Variants in TENM4 observed in about 807,000 individuals in gnomAD.
The protein encoded by TENM4 is teneurin-4.
TENM4 carries 82 observed loss-of-function variants against 243.3 expected under a neutral mutation model. The observed-to-expected ratio is 0.34, with a 90% CI of 0.28 to 0.40. The LOEUF is 0.40. TENM4 is among the 10% of genes least tolerant of loss of function. TENM4 has a pLI of 1.00. For synonymous variants in TENM4, 1,412 were observed against 1,456.3 expected (o/e 0.97, Z 0.69); for missense variants, 3,138 against 3,673.3 (o/e 0.85, Z 3.77).
At chr11:79,389,032 G>T (rs1858174975) in intron 1 of TENM4, among the ~76,000 whole-genome samples, 1 of 152,238 alleles carries the variant, frequency 6.6e-6, no homozygotes, top group Non-Finnish European at 1.5e-5. Context: ...ATCAGGGAAG[G>T]TTCTTGGCCT....
At chr11:79,193,718 G>A (rs78620571) in intron 3 of TENM4, among the ~76,000 whole-genome samples, 2,488 of 152,272 alleles carry the variant, frequency 0.016, 73 homozygotes, top group African/African-American at 0.052. Flanking sequence ...CACAGTAGGT[G>A]GGCAGATGGG....
intron 6 of TENM4, among the ~76,000 whole-genome samples, chr11:78,911,584 A>G (rs1276123830): frequency 1.3e-5 from 2 of 152,208 alleles, no homozygotes; most frequent in Non-Finnish European, 2.9e-5. Context: ...TCATATATTG[A>G]TGGCATTTGG....
chr11:79,391,770 C>G (rs750327808), intron 1 of TENM4, among the ~76,000 whole-genome samples: 87 of 152,144 alleles, frequency 5.7e-4, no homozygotes, highest in Non-Finnish European at 1.2e-3. Flanking sequence ...TATATGCACC[C>G]TATTTCCTTT....
rs533421205 is a variant in TENM4 at position 78,756,907 on chromosome 11, G to A, written c.2654C>T (p.Pro885Leu). ...GGAGTGTAGGTTCTGCTGTGACACA[G>A]GGACCTGTGTCTCCTGGATGATGTC... ...PLDIIQETQV[P>L]VSQQNLHSFY... Residue 885 changes from proline (P) to leucine (L), a missense_variant, in exon 19 of 34, where the codon CCT (proline) becomes CTT (leucine). Pro to Leu is a moderately conservative substitution (Grantham distance 98, BLOSUM62 -3). Around this residue, in one of 2 missense-constraint regions of TENM4, gnomAD observed 2,467 missense variants for 3,059.1 expected, o/e 0.81. Coordinates refer to ENST00000278550, the MANE Select transcript of TENM4 (RefSeq NM_001098816.3). The A allele has an allele frequency of 6.2e-6, 10 of 1,613,934 alleles. No individual in the cohort carries two copies. In the African/African-American group the frequency reaches 1.3e-4, roughly 22 times the overall value.
chr11:79,065,849 G>T (rs1860232374), intron 5 of TENM4, among the ~76,000 whole-genome samples: 1 of 152,170 alleles, frequency 6.6e-6, no homozygotes, highest in South Asian at 2.1e-4. Context: ...CTGACTTCAT[G>T]GAAAACTAGC....
intron 6 of TENM4, among the ~76,000 whole-genome samples, chr11:79,032,596 T>C (rs893828958): frequency 2.0e-5 from 3 of 152,188 alleles, no homozygotes; most frequent in African/African-American, 7.2e-5. Context: ...TCAGGCGCCG[T>C]TCCCCTTAGA....
At position 78,844,461 on chromosome 11, in the gene TENM4, G is replaced by A. The variant is rs182237495; in HGVS notation, c.1681+9643C>T. Among the ~76,000 whole-genome samples the A allele has an allele frequency of 6.2e-3, 951 of 152,262 alleles. 8 individuals are homozygous for A. The highest frequency in any genetic ancestry group is 0.022 in the African/African-American group (900 of 41,546). On this transcript the variant is annotated intron_variant, in intron 12 of 33. Coordinates refer to ENST00000278550, the MANE Select transcript of TENM4 (RefSeq NM_001098816.3). ...GATCGAGACCATCCTGGCCAACATGGTGAAACCCCGTCTCTACTAAAAATA... is the reference window on the plus strand; with the variant it reads ...GATCGAGACCATCCTGGCCAACATGATGAAACCCCGTCTCTACTAAAAATA...
chr11:78,717,729 A>G (rs994883242), intron 25 of TENM4, among the ~76,000 whole-genome samples: 3 of 152,240 alleles, frequency 2.0e-5, no homozygotes, highest in Non-Finnish European at 4.4e-5. Context: ...AACACTAAGT[A>G]TGTCAGACTT....
chr11:78,884,484 G>A (rs1855507537), intron 9 of TENM4, among the ~76,000 whole-genome samples: 1 of 152,134 alleles, frequency 6.6e-6, no homozygotes, highest in Admixed American at 6.5e-5. Context: ...AGCATAGTTG[G>A]CTGAAAGCAT....
chr11:79,100,990 C>A (rs1239139076), intron 4 of TENM4, among the ~76,000 whole-genome samples: 1 of 152,030 alleles, frequency 6.6e-6, no homozygotes, highest in Non-Finnish European at 1.5e-5. Flanking sequence ...GTGGGCTGGA[C>A]TGGGGAGAGT....
chr11:78,928,333 C>T lies in TENM4; in HGVS notation c.494-24810G>A, dbSNP rs73500684. ...ATACGTTAAGAAGCAAAAAATACAC[C>T]GCCACCCCATGGTCTTAACACTACA... On this transcript the variant is annotated intron_variant, in intron 6 of 33. Coordinates refer to ENST00000278550, the MANE Select transcript of TENM4 (RefSeq NM_001098816.3). 5.5e-3 allele frequency among the ~76,000 whole-genome samples: 833 copies of T among 152,192 alleles called. 7 individuals are homozygous for T. The highest frequency in any genetic ancestry group is 0.019 in the African/African-American group (791 of 41,486).
At chr11:79,211,063 C>T (rs182927425) in intron 3 of TENM4, among the ~76,000 whole-genome samples, 1 of 152,296 alleles carries the variant, frequency 6.6e-6, no homozygotes, top group African/African-American at 2.4e-5. Flanking sequence ...CTTAAATGCT[C>T]ACCCACCAGG....
chr11:79,164,441 CTATATAGTA>C lies in TENM4; in HGVS notation c.-162-15644_-162-15636del, dbSNP rs1157174371. ...TATGTAGTATATAGATATATATGTA[CTATATAGTA>C]TATATAGTATATATATAGTGTATAT... On this transcript the variant is annotated intron_variant, in intron 3 of 33. Transcript: ENST00000278550. Among the ~76,000 whole-genome samples, 31 of 127,084 alleles carry C rather than the reference CTATATAGTA, an allele frequency of 2.4e-4. No homozygotes were observed. The South Asian group carries it at 4.6e-3, about 19-fold the overall frequency. 83.4% of individuals were successfully genotyped at this position (127,084 alleles called of 152,430 possible).
intron 30 of TENM4, among the ~76,000 whole-genome samples, chr11:78,674,794 T>G (rs1858422901): frequency 6.6e-6 from 1 of 152,114 alleles, no homozygotes; most frequent in Non-Finnish European, 1.5e-5. Context: ...AAACGAAGCC[T>G]GGTTTTCTGG....
intron 9 of TENM4, among the ~76,000 whole-genome samples, chr11:78,865,620 A>G (rs1046827419): frequency 2.0e-5 from 3 of 152,182 alleles, no homozygotes; most frequent in Non-Finnish European, 4.4e-5. Context: ...ATCAAGACAC[A>G]CACAAAAAAA....
At chr11:79,404,367 G>A (rs1365051708) in intron 1 of TENM4, among the ~76,000 whole-genome samples, 2 of 152,168 alleles carry the variant, frequency 1.3e-5, no homozygotes, top group Non-Finnish European at 2.9e-5. Context: ...AAACATAAGG[G>A]TTAAATTTTA....
intron 9 of TENM4, 133 bp from the exon 10 acceptor site, chr11:78,863,265 A>G: frequency 2.9e-6 from 3 of 1,049,756 alleles, no homozygotes; most frequent in Non-Finnish European, 3.9e-6. Flanking sequence ...CCCCAAAAGG[A>G]AGCTCTTGTA....
chr11:78,762,048 G>C (rs1856441426), intron 18 of TENM4, among the ~76,000 whole-genome samples: 2 of 152,142 alleles, frequency 1.3e-5, no homozygotes, highest in South Asian at 4.1e-4. Context: ...TACACGAACA[G>C]TTGTACCCTG....
chr11:79,287,572 A>G (rs1345266635), intron 2 of TENM4, among the ~76,000 whole-genome samples: 1 of 152,206 alleles, frequency 6.6e-6, no homozygotes, highest in African/African-American at 2.4e-5. Flanking sequence ...TCCATCATTT[A>G]TAGAGCACCT....
Sources: allele counts gnomAD v4.1 joint callset (sites outside exome capture counted in the v4.1 genomes callset), GRCh38; gene constraint gnomAD v4.1.1; regional missense constraint gnomAD v4.1.1; transcripts MANE v1.5; gene names NCBI Gene and HGNC (gene_info 2026-07-23, HGNC 2026-07-21).